FOXH1: variants seen among roughly 807,000 people sequenced by gnomAD.
FOXH1 encodes forkhead box protein H1.
Under a neutral mutation model 14.2 loss-of-function variants are expected in FOXH1, and 10 were observed. The observed-to-expected ratio is 0.70, with a 90% CI of 0.43 to 1.19. The LOEUF is 1.19. Among genes scored for constraint, FOXH1 ranks in the 50% most tolerant of loss-of-function variants. The pLI is 0.00. For synonymous variants in FOXH1, 273 were observed against 209.5 expected, an observed-to-expected ratio of 1.30 and a Z score of -2.62; for missense variants, 643 against 492.1, an observed-to-expected ratio of 1.31 and a Z score of -2.90.
Position 144,475,045 on chromosome 8 carries a change from G to A in FOXH1, c.291C>T (p.Asp97=), listed in dbSNP as rs773209571. The change falls in exon 3 of 3, where the codon GAC becomes GAT. Residue 97 remains aspartate, a synonymous_variant. Transcript: ENST00000377317. ...TGCCCTTGGCCTGGGGCTTTGCAGG[G>A]TCCTTGGGCACCTGGGTGTGGGGGT... is the stretch of plus-strand genomic sequence containing the variant. ...SNRCFRKVPK[D]PAKPQAKGNF... The A allele has an allele frequency of 1.2e-6, 2 of 1,602,402 alleles. No individual in the cohort carries two copies. Among genetic ancestry groups the A allele is most frequent in the Non-Finnish European group, 1.7e-6 (2 of 1,174,948 alleles).
In FOXH1 at chr8:144,474,021, T is replaced by C. The variant is rs1248909786; in HGVS notation, c.*217A>G. ...CTGCTCCTGCAGCTTTGCCGCTGAGTGTAGGAAAAACAGGCATGACAGACC... is the reference window on the plus strand; with the variant it reads ...CTGCTCCTGCAGCTTTGCCGCTGAGCGTAGGAAAAACAGGCATGACAGACC... On this transcript the variant is annotated 3_prime_UTR_variant, in exon 3 of 3. Coordinates refer to ENST00000377317, the MANE Select transcript of FOXH1 (RefSeq NM_003923.3). The C allele has an allele frequency of 3.5e-6, 2 of 574,080 alleles. No individual in the cohort carries two copies. The highest frequency in any genetic ancestry group is 3.7e-5 in the African/African-American group (2 of 53,504). 35.6% of individuals were successfully genotyped at this position (574,080 alleles called of 1,614,324 possible). A position where few individuals can be genotyped will look rare whatever the true frequency, so the allele number is the denominator to read the frequency against.
Position 144,473,416 on chromosome 8 carries a change from G to A in FOXH1, c.*822C>T, listed in dbSNP as rs376745034. The A allele has an allele frequency of 3.8e-6, 6 of 1,565,038 alleles. No homozygotes were observed. Among genetic ancestry groups the A allele is most frequent in the East Asian group, 2.3e-5 (1 of 42,888 alleles). On this transcript the variant is annotated 3_prime_UTR_variant, in exon 3 of 3. Transcript: ENST00000377317. ...CCTGGGTCGCGGCCCTGCCCATGGG[G>A]TCTCAGGCCAGGTCTCTGCTGGCAG...
chr8:144,474,351 C>T lies in FOXH1; in HGVS notation c.985G>A (p.Ala329Thr), dbSNP rs200505906. 1.1e-5 allele frequency: 17 copies of T among 1,612,940 alleles called. No individual in the cohort carries two copies. The highest frequency in any genetic ancestry group is 2.2e-5 in the East Asian group (1 of 44,904). Residue 329 changes from alanine (A) to threonine (T), a missense_variant, in exon 3 of 3, where the codon GCC (alanine) becomes ACC (threonine). Ala to Thr is a moderately conservative substitution (Grantham distance 58). Coordinates refer to ENST00000377317, the MANE Select transcript of FOXH1 (RefSeq NM_003923.3). ...GPPGLLCDLD[A>T]LFQGVPPNKS... ...TTGGGTGGCACCCCTTGGAAGAGGG[C>T]GTCTAGATCGCAGAGCAGCCCTGGG...
chr8:144,473,875 T>C lies in FOXH1; in HGVS notation c.*363A>G. On this transcript the variant is annotated 3_prime_UTR_variant, in exon 3 of 3. Coordinates refer to ENST00000377317, the MANE Select transcript of FOXH1 (RefSeq NM_003923.3). ...AGAGAGGGCAGGACTTCAGGCTGGA[T>C]CCACCACTGGGCTCTCCCTCCCCCA... The C allele has an allele frequency of 2.5e-6, 1 of 393,822 alleles. No homozygotes were observed. The highest frequency in any genetic ancestry group is 4.6e-6 in the Non-Finnish European group (1 of 218,658). 24.4% of individuals were successfully genotyped at this position (393,822 alleles called of 1,614,324 possible).
rs1183007670 is a variant in FOXH1 at position 144,475,763 on chromosome 8, C to T, written c.-7G>A. 9.4e-6 allele frequency: 13 copies of T among 1,385,628 alleles called. No individual in the cohort carries two copies. Among genetic ancestry groups the T allele is most frequent in the African/African-American group, 1.5e-5 (1 of 67,770 alleles). 85.8% of individuals were successfully genotyped at this position (1,385,628 alleles called of 1,614,324 possible). On this transcript the variant is annotated 5_prime_UTR_variant, in exon 1 of 3. Coordinates refer to ENST00000377317, the MANE Select transcript of FOXH1 (RefSeq NM_003923.3). ...AGCCGCTGCAGGGCCCCATGCGGGA[C>T]GGTAGACAGCGTGGGCAGGGGCCTG...
At position 144,474,512 on chromosome 8, in the gene FOXH1, C is replaced by T. The variant is rs1825077811; in HGVS notation, c.824G>A (p.Gly275Glu). 5 of 1,610,980 alleles carry T rather than the reference C, an allele frequency of 3.1e-6. No individual in the cohort carries two copies. Among genetic ancestry groups the T allele is most frequent in the East Asian group, 2.2e-5 (1 of 44,874 alleles). The change falls in exon 3 of 3, where the codon GGG becomes GAG. Residue 275 changes from glycine to glutamate, a missense_variant. Gly to Glu is a moderately conservative substitution (Grantham distance 98). Coordinates refer to ENST00000377317, the MANE Select transcript of FOXH1 (RefSeq NM_003923.3). ...AGGCAAGTAGGAGGTGGGCAGCTGC[C>T]CCCAGAGGGAGGCCCTGTGTCCCCC... ...SSGGHRASLW[G>E]QLPTSYLPIY...
At chr8:144,475,509 G>A (rs1182095087) in intron 1 of FOXH1, 74 bp downstream of exon 1, 17 of 1,238,340 alleles carry the variant, frequency 1.4e-5, no homozygotes, top group Non-Finnish European at 1.9e-5. Context: ...AGGGGTGGGG[G>A]TCAGGGCTTG....
chr8:144,474,521 G>A lies in FOXH1; in HGVS notation c.815C>T (p.Ser272Phe), dbSNP rs748724119. Residue 272 changes from serine (S) to phenylalanine (F), a missense_variant, in exon 3 of 3, where the codon TCC (serine) becomes TTC (phenylalanine). Ser to Phe is a radical substitution (Grantham distance 155). Coordinates refer to ENST00000377317, the MANE Select transcript of FOXH1 (RefSeq NM_003923.3). Reference protein sequence around the residue: ...GGRSSGGHRASLWGQLPTSYL... With the variant: ...GGRSSGGHRAFLWGQLPTSYL... ...GGAGGTGGGCAGCTGCCCCCAGAGG[G>A]AGGCCCTGTGTCCCCCGCTGGACCG... 2 of 1,611,212 alleles carry A rather than the reference G, an allele frequency of 1.2e-6. No homozygotes were observed. The highest frequency in any genetic ancestry group is 8.5e-7 in the Non-Finnish European group (1 of 1,179,980).
chr8:144,474,723 G>C lies in FOXH1; in HGVS notation c.613C>G (p.Pro205Ala), dbSNP rs368639830. 1.9e-6 allele frequency: 3 copies of C among 1,543,624 alleles called. 1 individual carries two copies. In the South Asian group the frequency reaches 3.7e-5, roughly 19 times the overall value. ...GTGNSGEEAV[P>A]TPPLPSSERP... ...TCAGAAGAGGGAAGGGGTGGGGTGG[G>C]CACCGCCTCCTCCCCACTGTTCCCT... is the stretch of plus-strand genomic sequence containing the variant. The change falls in exon 3 of 3, where the codon CCC becomes GCC. Residue 205 changes from proline to alanine, a missense_variant. Transcript: ENST00000377317.
chr8:144,474,568 C>G lies in FOXH1; in HGVS notation c.768G>C (p.Gln256His). 1 of 1,610,596 alleles carries G rather than the reference C, an allele frequency of 6.2e-7. No homozygotes were observed. The highest frequency in any genetic ancestry group is 2.2e-5 in the East Asian group (1 of 44,878). Residue 256 changes from glutamine (Q) to histidine (H), a missense_variant, in exon 3 of 3, where the codon CAG becomes CAC. Gln to His is a conservative substitution (Grantham distance 24, BLOSUM62 0). Coordinates refer to ENST00000377317, the MANE Select transcript of FOXH1 (RefSeq NM_003923.3). ...EPRAWPLHLL[Q>H]GTAVPGGRSS... ...ACCGTCCCCCAGGAACTGCGGTGCC[C>G]TGCAGTAAGTGGAGAGGCCAGGCCC...
chr8:144,474,604 G>A lies in FOXH1; in HGVS notation c.732C>T (p.Ser244=). The A allele has an allele frequency of 6.2e-7, 1 of 1,603,454 alleles. No individual in the cohort carries two copies. Among genetic ancestry groups the A allele is most frequent in the South Asian group, 1.1e-5 (1 of 90,414 alleles). Residue 244 remains serine, a synonymous_variant, in exon 3 of 3, where the codon TCC becomes TCT. Coordinates refer to ENST00000377317, the MANE Select transcript of FOXH1 (RefSeq NM_003923.3). The part of the protein sequence containing the change: ...QGGAIGPSTL[S]PEPRAWPLHL... Reference sequence around the variant, plus strand: ...GGAGAGGCCAGGCCCTAGGCTCTGGGGAGAGGGTTGAGGGCCCGATGGCTC... The same window carrying A: ...GGAGAGGCCAGGCCCTAGGCTCTGGAGAGAGGGTTGAGGGCCCGATGGCTC...
chr8:144,474,135 G>A lies in FOXH1; in HGVS notation c.*103C>T. 1 of 895,712 alleles carries A rather than the reference G, an allele frequency of 1.1e-6. No individual in the cohort carries two copies. Among genetic ancestry groups the A allele is most frequent in the East Asian group, 2.6e-5 (1 of 37,794 alleles). The allele number at this position is 895,712 out of a possible 1,614,324, so 55.5% of individuals were successfully genotyped here. A position where few individuals can be genotyped will look rare whatever the true frequency, so the allele number is the denominator to read the frequency against. Reference sequence around the variant, plus strand: ...ACTCCCAGCAAGGCTGCTGCCTGGTGTTTCGAGGCTGCTGTGGTCGCAGAC... The same window carrying A: ...ACTCCCAGCAAGGCTGCTGCCTGGTATTTCGAGGCTGCTGTGGTCGCAGAC... On this transcript the variant is annotated 3_prime_UTR_variant, in exon 3 of 3. Coordinates refer to ENST00000377317, the MANE Select transcript of FOXH1 (RefSeq NM_003923.3).
chr8:144,473,866 C>A lies in FOXH1; in HGVS notation c.*372G>T, dbSNP rs1359662923. On this transcript the variant is annotated 3_prime_UTR_variant, in exon 3 of 3. Coordinates refer to ENST00000377317, the MANE Select transcript of FOXH1 (RefSeq NM_003923.3). Reference sequence around the variant, plus strand: ...AGACAGATGAGAGAGGGCAGGACTTCAGGCTGGATCCACCACTGGGCTCTC... The same window carrying A: ...AGACAGATGAGAGAGGGCAGGACTTAAGGCTGGATCCACCACTGGGCTCTC... The A allele has an allele frequency of 5.0e-6, 2 of 397,342 alleles. No individual in the cohort carries two copies. Among genetic ancestry groups the A allele is most frequent in the Non-Finnish European group, 4.5e-6 (1 of 221,298 alleles). The allele number at this position is 397,342 out of a possible 1,614,324, so 24.6% of individuals were successfully genotyped here.
chr8:144,475,642 A>C lies in FOXH1; in HGVS notation c.115T>G (p.Leu39Val). 6.9e-7 allele frequency: 1 copy of C among 1,442,346 alleles called. No individual in the cohort carries two copies. The highest frequency in any genetic ancestry group is 9.1e-7 in the Non-Finnish European group (1 of 1,094,796). 89.3% of individuals were successfully genotyped at this position (1,442,346 alleles called of 1,614,324 possible). The change falls in exon 1 of 3, where the codon TTG becomes GTG. Residue 39 changes from leucine to valine, a missense_variant. Coordinates refer to ENST00000377317, the MANE Select transcript of FOXH1 (RefSeq NM_003923.3). Reference sequence around the variant, plus strand: ...TGAATCACCAAGGCGATCATGGCCAAGTAGGTGTAGGGGGGCTTGTCATGT... The same window carrying C: ...TGAATCACCAAGGCGATCATGGCCACGTAGGTGTAGGGGGGCTTGTCATGT... ...LRHDKPPYTYLAMIALVIQAA... is the reference protein window; with the variant it reads ...LRHDKPPYTYVAMIALVIQAA...
At position 144,473,724 on chromosome 8, in the gene FOXH1, G is replaced by T. The variant is rs972909820; in HGVS notation, c.*514C>A. ...TCACCACTCCTGACCCAAAAATCAG[G>T]CATGGCATTAAAACGTTGCAAATTC... On this transcript the variant is annotated 3_prime_UTR_variant, in exon 3 of 3. Coordinates refer to ENST00000377317, the MANE Select transcript of FOXH1 (RefSeq NM_003923.3). 1.1e-5 allele frequency: 5 copies of T among 457,404 alleles called. No individual in the cohort carries two copies. The highest frequency in any genetic ancestry group is 1.0e-4 in the African/African-American group (5 of 49,114). 28.3% of individuals were successfully genotyped at this position (457,404 alleles called of 1,614,324 possible).
rs758615513 is a variant in FOXH1, at chr8:144,474,927, G to A, written c.409C>T (p.Arg137Cys). Residue 137 changes from arginine (R) to cysteine (C), a missense_variant, in exon 3 of 3, where the codon CGT becomes TGT. Coordinates refer to ENST00000377317, the MANE Select transcript of FOXH1 (RefSeq NM_003923.3). The part of the protein sequence containing the change: ...LCRRWQNGGA[R>C]GAFAKDLGPY... ...CCCAGGTCCTTGGCGAAGGCTCCAC[G>A]CGCACCTCCGTTCTGCCAGCGCCGG... 2 of 1,608,506 alleles carry A rather than the reference G, an allele frequency of 1.2e-6. No homozygotes were observed. The highest frequency in any genetic ancestry group is 2.7e-5 in the African/African-American group (2 of 75,020).
chr8:144,474,761 A>G lies in FOXH1; in HGVS notation c.575T>C (p.Val192Ala). Residue 192 changes from valine (V) to alanine (A), a missense_variant, in exon 3 of 3, where the codon GTT (valine) becomes GCT (alanine). By Grantham distance (64) the Val-to-Ala change is moderately conservative. Coordinates refer to ENST00000377317, the MANE Select transcript of FOXH1 (RefSeq NM_003923.3). ...WPGLAPQSSP[V>A]PAGTGNSGEE... The stretch of plus-strand genomic sequence containing the variant: ...CCCACTGTTCCCTGTGCCTGCAGGA[A>G]CTGGGCTGCTCTGTGGAGCTAGCCC... 1.3e-6 allele frequency: 2 copies of G among 1,583,356 alleles called. No individual in the cohort carries two copies. The highest frequency in any genetic ancestry group is 2.3e-5 in the South Asian group (2 of 88,224).
Position 144,475,170 on chromosome 8 carries a change from C to G in FOXH1, c.266G>C (p.Arg89Pro). The change falls in exon 2 of 3, where the codon CGA becomes CCA. Residue 89 changes from arginine to proline, a missense_variant. Arg to Pro is a moderately radical substitution (Grantham distance 103). Transcript: ENST00000377317. ...DSIRHNLSSN[R>P]CFRKVPKDPA... ...GGCCTGCCCCACCTTGCGGAAGCAT[C>G]GGTTGGAGGAAAGGTTGTGGCGAAT... is the stretch of plus-strand genomic sequence containing the variant. The G allele has an allele frequency of 1.2e-6, 2 of 1,613,436 alleles. No homozygotes were observed. Among genetic ancestry groups the G allele is most frequent in the Non-Finnish European group, 1.7e-6 (2 of 1,179,832 alleles).
At position 144,475,245 on chromosome 8, in the gene FOXH1, T is replaced by C; in HGVS notation, c.191A>G (p.Gln64Arg). The C allele has an allele frequency of 6.2e-7, 1 of 1,613,106 alleles. No individual in the cohort carries two copies. The highest frequency in any genetic ancestry group is 1.1e-5 in the South Asian group (1 of 91,020). ...TTCCCTGAAGAAGGGGAACACGGCCTGGACCTGACGGATGATCTGAAACCG... is the reference window on the plus strand; with the variant it reads ...TTCCCTGAAGAAGGGGAACACGGCCCGGACCTGACGGATGATCTGAAACCG... The part of the protein sequence containing the change: ...LKLAQIIRQV[Q>R]AVFPFFREDY... Residue 64 changes from glutamine (Q) to arginine (R), a missense_variant, in exon 2 of 3, where the codon CAG (glutamine) becomes CGG (arginine). By Grantham distance (43) the Gln-to-Arg change is conservative. Coordinates refer to ENST00000377317, the MANE Select transcript of FOXH1 (RefSeq NM_003923.3).
Sources: gnomAD v4.1 joint callset for allele counts on GRCh38, gnomAD v4.1.1 for gene constraint, MANE v1.5 for transcripts, NCBI Gene and HGNC (gene_info 2026-07-23, HGNC 2026-07-21) for gene names.